Variants in NRG3 observed in about 807,000 individuals in gnomAD.
NRG3 encodes pro-neuregulin-3, membrane-bound isoform.
Under a neutral mutation model 66.9 loss-of-function variants are expected in NRG3, and 31 were observed. That is an observed-to-expected ratio of 0.46 (90% CI 0.35 to 0.63). The LOEUF is 0.63. Among genes scored for constraint, NRG3 ranks in the 20% least tolerant of loss-of-function variants. The probability of loss-of-function intolerance (pLI) is 0.00; values close to 1 mark genes in which losing one functional copy is unlikely to be tolerated. For missense variants in NRG3, 910 were observed against 878.9 expected, an observed-to-expected ratio of 1.04 and a Z score of -0.45; for synonymous variants, 393 against 359.4, an observed-to-expected ratio of 1.09 and a Z score of -1.06.
intron 4 of NRG3, among the ~76,000 whole-genome samples, chr10:82,928,279 T>C (rs538698400): frequency 5.9e-5 from 9 of 152,182 alleles, no homozygotes; most frequent in Non-Finnish European, 1.3e-4. Context: ...TTTTTCCCAT[T>C]CTATAGGTTG....
intron 1 of NRG3, among the ~76,000 whole-genome samples, chr10:81,913,402 A>G (rs750696350): frequency 1.3e-5 from 2 of 150,316 alleles, no homozygotes. Context: ...ACCCAGCACC[A>G]TACTCTCACT....
In NRG3 at chr10:82,593,821, A is replaced by G. The variant is rs145051769; in HGVS notation, c.954-144756A>G. ...TGAACATATATGTCTGTTTTAATAC[A>G]TATATATTTCTTTAATATATATGTG... is the stretch of plus-strand genomic sequence containing the variant. On this transcript the variant is annotated intron_variant, in intron 2 of 8. Transcript: ENST00000372141. Among the ~76,000 whole-genome samples the G allele has an allele frequency of 5.8e-3, 875 of 152,018 alleles. 10 individuals are homozygous for G. Among genetic ancestry groups the G allele is most frequent in the African/African-American group, 0.02 (820 of 41,516 alleles).
At chr10:82,981,241 G>A (rs1009504911) in intron 8 of NRG3, among the ~76,000 whole-genome samples, 1 of 152,164 alleles carries the variant, frequency 6.6e-6, no homozygotes, top group Non-Finnish European at 1.5e-5. Context: ...TTTCTGCGTG[G>A]TGGTGGTTTT....
At chr10:82,161,572 C>T (rs1281581843) in intron 1 of NRG3, among the ~76,000 whole-genome samples, 2 of 152,022 alleles carry the variant, frequency 1.3e-5, no homozygotes, top group African/African-American at 4.8e-5. Context: ...ATCTCAGGCT[C>T]TGAAAGGATA....
At position 82,951,654 on chromosome 10, in the gene NRG3, A is replaced by G. The variant is rs970298593; in HGVS notation, c.1157+83A>G. ...ACTTTAAGTTCTCAGTCTGTGTGCC[A>G]CACAGAGGGAACCTGTGGAAATGGG... On this transcript the variant is annotated intron_variant, in intron 5 of 8. Coordinates refer to ENST00000372141, the MANE Select transcript of NRG3 (RefSeq NM_001010848.4). 33 of 1,161,064 alleles carry G rather than the reference A, an allele frequency of 2.8e-5. No homozygotes were observed. The African/African-American group carries it at 3.5e-4, about 12-fold the overall frequency. The allele number at this position is 1,161,064 out of a possible 1,614,324, so 71.9% of individuals were successfully genotyped here.
At chr10:81,937,489 A>G (rs970279737) in intron 1 of NRG3, among the ~76,000 whole-genome samples, 9 of 151,776 alleles carry the variant, frequency 5.9e-5, no homozygotes, top group Non-Finnish European at 1.0e-4. Context: ...TTTGATTTGC[A>G]TTTCTCTAAA....
intron 3 of NRG3, among the ~76,000 whole-genome samples, chr10:82,758,486 G>A (rs342391): frequency 0.8 from 121,475 of 152,024 alleles, 48,675 homozygotes; most frequent in Admixed American, 0.85. Flanking sequence ...ATAAGAAAAT[G>A]TAAAATTATG....
At chr10:81,988,104 C>G (rs1340495227) in intron 1 of NRG3, among the ~76,000 whole-genome samples, 1 of 152,108 alleles carries the variant, frequency 6.6e-6, no homozygotes, top group African/African-American at 2.4e-5. Context: ...AAATGCATTT[C>G]AATATATTGA....
chr10:82,297,781 T>C (rs1217885293), intron 1 of NRG3, among the ~76,000 whole-genome samples: 1 of 152,206 alleles, frequency 6.6e-6, no homozygotes, highest in Non-Finnish European at 1.5e-5. Flanking sequence ...TGCACTTTTT[T>C]ATTGTATACA....
At chr10:82,168,125 CTT>C (rs2072248054) in intron 1 of NRG3, among the ~76,000 whole-genome samples, 2 of 152,192 alleles carry the variant, frequency 1.3e-5, no homozygotes, top group South Asian at 4.1e-4. Flanking sequence ...CTGAATATGA[CTT>C]TGAATATTTT....
intron 2 of NRG3, among the ~76,000 whole-genome samples, chr10:82,564,888 A>G (rs2045294143): frequency 6.6e-6 from 1 of 152,114 alleles, no homozygotes; most frequent in African/African-American, 2.4e-5. Context: ...CACCTTCCCA[A>G]TTTGTGTGTT....
chr10:82,660,898 C>T (rs1013284718), intron 2 of NRG3, among the ~76,000 whole-genome samples: 3 of 152,042 alleles, frequency 2.0e-5, no homozygotes, highest in Non-Finnish European at 4.4e-5. Flanking sequence ...TATGTCCTCC[C>T]TCCTTTATTT....
chr10:82,900,330 AT>A (rs1439356200), intron 4 of NRG3, among the ~76,000 whole-genome samples: 2 of 152,194 alleles, frequency 1.3e-5, no homozygotes, highest in African/African-American at 4.8e-5. Context: ...CAAAATGTCA[AT>A]ACTTTTATTT....
chr10:82,554,484 A>C (rs2044520740), intron 2 of NRG3, among the ~76,000 whole-genome samples: 1 of 152,194 alleles, frequency 6.6e-6, no homozygotes, highest in Admixed American at 6.5e-5. Flanking sequence ...ATGACTTCAT[A>C]GTTTAAACTG....
chr10:82,761,338 AT>A (rs2059296879), intron 3 of NRG3, among the ~76,000 whole-genome samples: 3 of 152,074 alleles, frequency 2.0e-5, no homozygotes, highest in Admixed American at 2.0e-4. Context: ...AAAATAAGGC[AT>A]TTTTAGAGAC....
intron 3 of NRG3, among the ~76,000 whole-genome samples, chr10:82,781,472 G>A (rs2060115531): frequency 6.6e-6 from 1 of 152,082 alleles, no homozygotes; most frequent in Admixed American, 6.6e-5. Context: ...GCTTATATCT[G>A]TAAAGCTCAG....
chr10:82,524,045 G>A (rs1020128029), intron 2 of NRG3, among the ~76,000 whole-genome samples: 2 of 152,000 alleles, frequency 1.3e-5, no homozygotes, highest in Non-Finnish European at 2.9e-5. Flanking sequence ...TGGATGATAA[G>A]TGGTCTTCAC....
At chr10:82,841,238 C>A (rs1183464759) in intron 3 of NRG3, among the ~76,000 whole-genome samples, 1 of 152,100 alleles carries the variant, frequency 6.6e-6, no homozygotes, top group East Asian at 1.9e-4. Flanking sequence ...CCCTGCTAAC[C>A]CCTTGATTTA....
rs1232881022 is a variant in NRG3 at position 82,345,504 on chromosome 10, T to C, written c.824-13235T>C. On this transcript the variant is annotated intron_variant, in intron 1 of 8. Coordinates refer to ENST00000372141, the MANE Select transcript of NRG3 (RefSeq NM_001010848.4). The stretch of plus-strand genomic sequence containing the variant: ...GTTTGAAGTCAGGTAGTGTGATGCC[T>C]CCAGCTTTGTTCTTTTGGCTTAGGA... Among the ~76,000 whole-genome samples the C allele has an allele frequency of 5.3e-5, 8 of 151,810 alleles. No homozygotes were observed. In the East Asian group the frequency reaches 1.5e-3, roughly 29 times the overall value.
Sources: gnomAD v4.1 joint callset for allele counts (sites outside exome capture counted in the v4.1 genomes callset) on GRCh38, gnomAD v4.1.1 for gene constraint, MANE v1.5 for transcripts, NCBI Gene and HGNC (gene_info 2026-07-23, HGNC 2026-07-21) for gene names.